OSTN: variants seen among roughly 807,000 people sequenced by gnomAD.
The protein encoded by OSTN is osteocrin.
Under a neutral mutation model 12.0 loss-of-function variants are expected in OSTN, and 9 were observed. The observed-to-expected ratio is 0.75, with a 90% CI of 0.45 to 1.30. The LOEUF is 1.30. Ranked by LOEUF, OSTN falls within the 50% of genes most tolerant of loss-of-function variation. OSTN has a pLI of 0.00. For missense variants in OSTN, 148 were observed against 152.3 expected (o/e 0.97, Z 0.15); for synonymous variants, 59 against 56.9 (o/e 1.04, Z -0.16).
intron 3 of OSTN, among the ~76,000 whole-genome samples, chr3:191,245,267 C>A (rs182256885): frequency 1.3e-5 from 2 of 152,136 alleles, no homozygotes; most frequent in African/African-American, 4.8e-5. Context: ...ACTGTAGTAT[C>A]CCCAATGCAC....
chr3:191,215,523 T>G (rs796467018), intron 2 of OSTN, among the ~76,000 whole-genome samples: 46 of 152,314 alleles, frequency 3.0e-4, no homozygotes, highest in African/African-American at 9.6e-4. Context: ...TATGAGCCTG[T>G]AAAATCAATA....
At chr3:191,205,366 G>C (rs984444854) in intron 1 of OSTN, among the ~76,000 whole-genome samples, 3 of 151,674 alleles carry the variant, frequency 2.0e-5, no homozygotes, top group African/African-American at 4.8e-5. Flanking sequence ...TATATTGTCT[G>C]AAAGAGTTTG....
chr3:191,218,967 T>G lies in OSTN; in HGVS notation c.317+6T>G. 6.3e-7 allele frequency: 1 copy of G among 1,592,106 alleles called. No homozygotes were observed. The highest frequency in any genetic ancestry group is 8.5e-7 in the Non-Finnish European group (1 of 1,171,834). On this transcript the variant is annotated splice_donor_region_variant and intron_variant, in intron 3 of 4. Coordinates refer to ENST00000682035, the MANE Select transcript of OSTN (RefSeq NM_198184.2). ...GATCACAAAGGTAAACAGAGGTAAG[T>G]GAACTCAGAAAAAGAAAGTTTTTAT...
At chr3:191,229,456 G>A (rs936553090) in intron 3 of OSTN, among the ~76,000 whole-genome samples, 2 of 152,146 alleles carry the variant, frequency 1.3e-5, no homozygotes, top group African/African-American at 4.8e-5. Context: ...ATACAGGAGT[G>A]GGAGTGGAAC....
chr3:191,252,012 A>C (rs1399860505), intron 4 of OSTN, among the ~76,000 whole-genome samples: 1 of 152,206 alleles, frequency 6.6e-6, no homozygotes, highest in Non-Finnish European at 1.5e-5. Flanking sequence ...TAGTTCAACC[A>C]CAACGAGTTA....
In OSTN at chr3:191,265,314, G is replaced by T. The variant is rs1428828885; in HGVS notation, c.*2461G>T. ...TAGAGCAAATGAATATATGTATATG[G>T]AGTTCTGGGTTCTAGTGTCAATTAC... On this transcript the variant is annotated 3_prime_UTR_variant, in exon 5 of 5. Transcript: ENST00000682035. 6.6e-6 allele frequency: 1 copy of T among 152,088 alleles called. No individual in the cohort carries two copies. The highest frequency in any genetic ancestry group is 1.9e-4 in the East Asian group (1 of 5,200). 9.4% of individuals were successfully genotyped at this position (152,088 alleles called of 1,614,324 possible). A position where few individuals can be genotyped will look rare whatever the true frequency, so the allele number is the denominator to read the frequency against.
At chr3:191,228,415 AT>A (rs550238292) in intron 3 of OSTN, among the ~76,000 whole-genome samples, 1 of 152,316 alleles carries the variant, frequency 6.6e-6, no homozygotes, top group South Asian at 2.1e-4. Flanking sequence ...GCATATTTAC[AT>A]TTAAGTTACA....
chr3:191,236,000 A>G (rs899825233), intron 3 of OSTN, among the ~76,000 whole-genome samples: 1 of 152,172 alleles, frequency 6.6e-6, no homozygotes, highest in African/African-American at 2.4e-5. Context: ...CTTTCCCCAT[A>G]TGAAGGAGGA....
intron 3 of OSTN, among the ~76,000 whole-genome samples, chr3:191,235,472 G>T (rs1417051001): frequency 1.3e-5 from 2 of 152,154 alleles, no homozygotes; most frequent in Non-Finnish European, 2.9e-5. Context: ...GTAAAACAAA[G>T]TCTTACTTGA....
chr3:191,214,051 A>T lies in OSTN; in HGVS notation c.102+1417A>T, dbSNP rs994222054. ...GCTATAAGTAATAAAGAACTGTGAAAGATTTGTAATTTTCTTTTTATATGA... is the reference window on the plus strand; with the variant it reads ...GCTATAAGTAATAAAGAACTGTGAATGATTTGTAATTTTCTTTTTATATGA... On this transcript the variant is annotated intron_variant, in intron 2 of 4. Coordinates refer to ENST00000682035, the MANE Select transcript of OSTN (RefSeq NM_198184.2). 3.9e-5 allele frequency among the ~76,000 whole-genome samples: 6 copies of T among 152,268 alleles called. No individual in the cohort carries two copies. In the Middle Eastern group the frequency reaches 0.01, roughly 259 times the overall value.
intron 4 of OSTN, among the ~76,000 whole-genome samples, chr3:191,253,810 C>T (rs1715615084): frequency 6.6e-6 from 1 of 152,158 alleles, no homozygotes; most frequent in Non-Finnish European, 1.5e-5. Context: ...ATGCAAATTT[C>T]CCCCACAGAA....
At chr3:191,252,165 T>C (rs1715574455) in intron 4 of OSTN, among the ~76,000 whole-genome samples, 1 of 152,202 alleles carries the variant, frequency 6.6e-6, no homozygotes. Context: ...GTTCAAGCAA[T>C]TCTCCTGCCT....
At chr3:191,204,033 A>G (rs1576920468) in intron 1 of OSTN, among the ~76,000 whole-genome samples, 2 of 152,070 alleles carry the variant, frequency 1.3e-5, no homozygotes, top group Non-Finnish European at 2.9e-5. Context: ...GATTACAGGC[A>G]CCTGCCGCCA....
chr3:191,246,614 AAAAGAAAG>A (rs576572980), intron 3 of OSTN, among the ~76,000 whole-genome samples: 1 of 151,322 alleles, frequency 6.6e-6, no homozygotes, highest in Admixed American at 6.6e-5. Flanking sequence ...CAAAAAAAAA[AAAAGAAAG>A]AAAGAAAGAA....
At chr3:191,252,153 G>A (rs1026232682) in intron 4 of OSTN, among the ~76,000 whole-genome samples, 5 of 152,040 alleles carry the variant, frequency 3.3e-5, no homozygotes, top group East Asian at 3.9e-4. Flanking sequence ...TCTGCCTCCC[G>A]GGTTCAAGCA....
intron 1 of OSTN, among the ~76,000 whole-genome samples, chr3:191,205,052 G>A (rs1471036067): frequency 6.6e-6 from 1 of 152,102 alleles, no homozygotes; most frequent in Non-Finnish European, 1.5e-5. Context: ...TTAAAAAGGT[G>A]TAGTTTTCTC....
chr3:191,236,983 A>G (rs1370392105), intron 3 of OSTN, among the ~76,000 whole-genome samples: 1 of 152,160 alleles, frequency 6.6e-6, no homozygotes, highest in Non-Finnish European at 1.5e-5. Flanking sequence ...TACATGCCAG[A>G]TTGTTTAACT....
In OSTN at chr3:191,207,374, T is replaced by C. The variant is rs181327039; in HGVS notation, c.1-5159T>C. Among the ~76,000 whole-genome samples the C allele has an allele frequency of 4.1e-3, 561 of 136,864 alleles. 11 individuals are homozygous for C. Among genetic ancestry groups the C allele is most frequent in the Admixed American group, 0.039 (530 of 13,616 alleles). 89.8% of individuals were successfully genotyped at this position (136,864 alleles called of 152,430 possible). ...TTTGCAGGTTGAAGAGAAATGTCCTTTACACCTGAGTTGTTTTTTTTTTGT... is the reference window on the plus strand; with the variant it reads ...TTTGCAGGTTGAAGAGAAATGTCCTCTACACCTGAGTTGTTTTTTTTTTGT... On this transcript the variant is annotated intron_variant, in intron 1 of 4. Coordinates refer to ENST00000682035, the MANE Select transcript of OSTN (RefSeq NM_198184.2).
chr3:191,226,761 C>T (rs1714921393), intron 3 of OSTN, among the ~76,000 whole-genome samples: 1 of 152,132 alleles, frequency 6.6e-6, no homozygotes, highest in South Asian at 2.1e-4. Flanking sequence ...AAAGTAGCAT[C>T]TCATATTAGT....
Sources: allele counts gnomAD v4.1 joint callset (sites outside exome capture counted in the v4.1 genomes callset), GRCh38; gene constraint gnomAD v4.1.1; transcripts MANE v1.5; gene names NCBI Gene and HGNC (gene_info 2026-07-23, HGNC 2026-07-21).